NEDD4L: variants seen among roughly 807,000 people sequenced by gnomAD.
The protein encoded by NEDD4L is NEDD4 like E3 ubiquitin protein ligase.
Under a neutral mutation model 148.9 loss-of-function variants are expected in NEDD4L, and 54 were observed. The observed-to-expected ratio is 0.36, with a 90% CI of 0.29 to 0.45. NEDD4L has a LOEUF of 0.45. NEDD4L is among the 20% of genes least tolerant of loss of function. The pLI, the probability that NEDD4L is intolerant of heterozygous loss-of-function variation, is 1.00. For missense variants in NEDD4L, 856 were observed against 1,233.8 expected (o/e 0.69, Z 4.59); for synonymous variants, 433 against 440.7 (o/e 0.98, Z 0.22).
At chr18:58,230,537 T>G (rs1380183334) in intron 2 of NEDD4L, among the ~76,000 whole-genome samples, 1 of 152,098 alleles carries the variant, frequency 6.6e-6, no homozygotes, top group Non-Finnish European at 1.5e-5. Context: ...TGAAGCAAGT[T>G]CAAGAAAATT....
At chr18:58,342,448 G>A (rs2042554775) in intron 15 of NEDD4L, among the ~76,000 whole-genome samples, 1 of 152,196 alleles carries the variant, frequency 6.6e-6, no homozygotes, top group Non-Finnish European at 1.5e-5. Flanking sequence ...AGTGGGAATG[G>A]ATGCTGTCTC....
intron 2 of NEDD4L, among the ~76,000 whole-genome samples, chr18:58,190,899 C>T (rs1236015686): frequency 1.3e-5 from 2 of 152,078 alleles, no homozygotes; most frequent in African/African-American, 2.4e-5. Context: ...GCCAGGGGTT[C>T]GAGACCATCC....
chr18:58,161,746 C>T (rs1395702602), intron 1 of NEDD4L, among the ~76,000 whole-genome samples: 1 of 152,094 alleles, frequency 6.6e-6, no homozygotes, highest in Non-Finnish European at 1.5e-5. Context: ...GCTCTACTCC[C>T]TTCGTATGAT....
At chr18:58,371,737 T>C (rs1461507910) in intron 23 of NEDD4L, 2 of 152,372 alleles carry the variant, frequency 1.3e-5, no homozygotes, top group African/African-American at 2.4e-5. Flanking sequence ...TTGCCAGTCA[T>C]GGTGGGTTGG....
intron 24 of NEDD4L, among the ~76,000 whole-genome samples, chr18:58,377,884 A>G (rs1195148083): frequency 6.6e-6 from 1 of 152,166 alleles, no homozygotes; most frequent in African/African-American, 2.4e-5. Flanking sequence ...AGCTGAGACT[A>G]CAGGTGCAAG....
At chr18:58,060,132 G>C (rs1417825161) in intron 1 of NEDD4L, among the ~76,000 whole-genome samples, 1 of 145,424 alleles carries the variant, frequency 6.9e-6, no homozygotes, top group South Asian at 2.3e-4. Context: ...AGCAGGGGTT[G>C]GTTGGGGGTG....
intron 1 of NEDD4L, among the ~76,000 whole-genome samples, chr18:58,109,572 GTTTTTTTTTTT>G (rs869167759): frequency 8.5e-6 from 1 of 117,644 alleles, no homozygotes; most frequent in Non-Finnish European, 1.7e-5. Flanking sequence ...TTTTTTTTTT[GTTTTTTTTTTT>G]TTTTTTGAGA....
intron 2 of NEDD4L, among the ~76,000 whole-genome samples, chr18:58,168,624 C>T (rs2037166344): frequency 6.6e-6 from 1 of 152,160 alleles, no homozygotes; most frequent in African/African-American, 2.4e-5. Flanking sequence ...CATGCCTTTT[C>T]TCCAAGTCTC....
chr18:58,303,675 C>CA (rs1032538315), intron 5 of NEDD4L, among the ~76,000 whole-genome samples: 2 of 152,074 alleles, frequency 1.3e-5, no homozygotes, highest in African/African-American at 4.8e-5. Flanking sequence ...ACTCTGGGGG[C>CA]AAAAGGAAAA....
intron 2 of NEDD4L, among the ~76,000 whole-genome samples, chr18:58,181,571 T>A (rs1252516576): frequency 1.3e-5 from 2 of 152,140 alleles, no homozygotes. Context: ...AGCTAGACCA[T>A]GGTGCATGCA....
intron 9 of NEDD4L, among the ~76,000 whole-genome samples, chr18:58,326,242 G>A (rs978568292): frequency 6.6e-6 from 1 of 152,168 alleles, no homozygotes; most frequent in Non-Finnish European, 1.5e-5. Flanking sequence ...CTGGAACAAC[G>A]AATAGCCTGT....
intron 28 of NEDD4L, 105 bp from the exon 29 acceptor site, chr18:58,390,541 C>A: frequency 1.4e-6 from 1 of 722,342 alleles, no homozygotes; most frequent in South Asian, 1.7e-5. Context: ...CTGTCTAGGT[C>A]TTACATTGCA....
intron 5 of NEDD4L, 22 bp from the exon 6 acceptor site, chr18:58,315,960 C>T (rs2058215238): frequency 6.2e-7 from 1 of 1,603,454 alleles, no homozygotes; most frequent in Non-Finnish European, 8.5e-7. Context: ...GAAACACTAA[C>T]TCTTTGTTCT....
chr18:58,177,332 G>A (rs1167641236), intron 2 of NEDD4L, among the ~76,000 whole-genome samples: 3 of 152,206 alleles, frequency 2.0e-5, no homozygotes, highest in Non-Finnish European at 2.9e-5. Flanking sequence ...AACTTGAGAT[G>A]AGTCAGAAAT....
chr18:58,055,108 A>G (rs183198720), intron 1 of NEDD4L, among the ~76,000 whole-genome samples: 2 of 152,326 alleles, frequency 1.3e-5, no homozygotes, highest in East Asian at 3.9e-4. Flanking sequence ...AAAGTAGGTT[A>G]TAAGACAGTG....
At chr18:58,050,974 A>AAT (rs2081841480) in intron 1 of NEDD4L, among the ~76,000 whole-genome samples, 1 of 152,136 alleles carries the variant, frequency 6.6e-6, no homozygotes, top group Non-Finnish European at 1.5e-5. Context: ...GGAGTACCTC[A>AAT]ATATATCTGG....
At chr18:58,364,123 A>G in intron 19 of NEDD4L, 145 bp from the exon 20 acceptor site, 1 of 642,238 alleles carries the variant, frequency 1.6e-6, no homozygotes, top group East Asian at 2.8e-5. Flanking sequence ...TGCTGTGTAG[A>G]CATTATCTAA....
chr18:58,258,364 A>G (rs893346903), intron 5 of NEDD4L, among the ~76,000 whole-genome samples: 10 of 152,260 alleles, frequency 6.6e-5, no homozygotes, highest in Non-Finnish European at 1.3e-4. Flanking sequence ...TGACAAAAAT[A>G]TATTTCCTAA....
At chr18:58,257,879 T>C (rs2048819078) in intron 5 of NEDD4L, among the ~76,000 whole-genome samples, 1 of 152,220 alleles carries the variant, frequency 6.6e-6, no homozygotes, top group African/African-American at 2.4e-5. Context: ...TGACTGCCAG[T>C]TTGAGGATAT....
Sources: allele counts gnomAD v4.1 joint callset (sites outside exome capture counted in the v4.1 genomes callset), GRCh38; gene constraint gnomAD v4.1.1; transcripts MANE v1.5; gene names NCBI Gene and HGNC (gene_info 2026-07-23, HGNC 2026-07-21).